NRXN3: variants seen among roughly 807,000 people sequenced by gnomAD.
NRXN3 encodes the protein neurexin 3.
A neutral mutation model predicts 137.6 loss-of-function variants in NRXN3; 32 were observed. That is an observed-to-expected ratio of 0.23 (90% CI 0.18 to 0.31). The LOEUF (loss-of-function observed/expected upper bound fraction) is 0.31, where lower values mean the gene tolerates loss of function less well. NRXN3 is among the 10% of genes least tolerant of loss of function. The pLI, the probability that NRXN3 is intolerant of heterozygous loss-of-function variation, is 1.00. For synonymous variants in NRXN3, 798 were observed against 784.5 expected (o/e 1.02, Z -0.29); for missense variants, 1,574 against 2,062.5 (o/e 0.76, Z 4.59).
intron 15 of NRXN3, among the ~76,000 whole-genome samples, chr14:79,285,729 T>A (rs945558997): frequency 6.6e-6 from 1 of 152,148 alleles, no homozygotes; most frequent in African/African-American, 2.4e-5. Context: ...TTTAACTTAA[T>A]CATCTCTTTA....
At chr14:79,462,911 T>A (rs186383871) in intron 15 of NRXN3, among the ~76,000 whole-genome samples, 11 of 152,030 alleles carry the variant, frequency 7.2e-5, no homozygotes, top group African/African-American at 2.7e-4. Context: ...TATATGTACA[T>A]ACACATATGT....
At chr14:78,189,964 C>T (rs1420364139) in intron 1 of NRXN3, among the ~76,000 whole-genome samples, 2 of 152,200 alleles carry the variant, frequency 1.3e-5, no homozygotes, top group Non-Finnish European at 2.9e-5. Context: ...GTATTCATAG[C>T]CCTTGCCACC....
intron 15 of NRXN3, among the ~76,000 whole-genome samples, chr14:79,284,343 C>CATATATATATATATATATATATATAT: frequency 1.5e-5 from 1 of 65,086 alleles, no homozygotes; most frequent in Non-Finnish European, 2.9e-5. Flanking sequence ...ACTAAAAATA[C>CATATATATATATATATATATATATAT]ATATATATAT....
chr14:78,760,889 G>A (rs981283099), intron 8 of NRXN3, among the ~76,000 whole-genome samples: 15 of 152,112 alleles, frequency 9.9e-5, no homozygotes, highest in African/African-American at 2.9e-4. Flanking sequence ...GAGGAATCAT[G>A]GAAAATACCT....
At chr14:78,278,104 T>G (rs925157104) in intron 2 of NRXN3, among the ~76,000 whole-genome samples, 1 of 152,210 alleles carries the variant, frequency 6.6e-6, no homozygotes, top group African/African-American at 2.4e-5. Context: ...TGTGACCTTA[T>G]GTCCTTCAGT....
At chr14:79,322,495 T>G (rs1454100058) in intron 15 of NRXN3, among the ~76,000 whole-genome samples, 1 of 152,208 alleles carries the variant, frequency 6.6e-6, no homozygotes, top group Non-Finnish European at 1.5e-5. Flanking sequence ...GTCTCTCAAT[T>G]CTTTGAGAGA....
chr14:79,580,728 T>C (rs2097707603), intron 16 of NRXN3, among the ~76,000 whole-genome samples: 1 of 152,166 alleles, frequency 6.6e-6, no homozygotes, highest in Non-Finnish European at 1.5e-5. Context: ...TCTGCTTTTG[T>C]TATTCTGCTT....
chr14:78,547,027 G>A (rs984291461), intron 4 of NRXN3, among the ~76,000 whole-genome samples: 17 of 152,210 alleles, frequency 1.1e-4, no homozygotes, highest in African/African-American at 3.4e-4. Flanking sequence ...TTTTCCCACT[G>A]AATTACATTA....
intron 15 of NRXN3, among the ~76,000 whole-genome samples, chr14:79,432,227 A>G (rs990168908): frequency 1.3e-5 from 2 of 152,118 alleles, no homozygotes; most frequent in East Asian, 1.9e-4. Context: ...ATATATTTTT[A>G]TATTTCCATA....
chr14:78,962,911 A>C (rs1445625941), intron 11 of NRXN3, among the ~76,000 whole-genome samples: 1 of 151,884 alleles, frequency 6.6e-6, no homozygotes, highest in African/African-American at 2.4e-5. Context: ...ACGGGTTTTC[A>C]CCATGTTAGC....
At chr14:78,533,723 C>G (rs1027987759) in intron 4 of NRXN3, among the ~76,000 whole-genome samples, 1 of 152,220 alleles carries the variant, frequency 6.6e-6, no homozygotes, top group East Asian at 1.9e-4. Flanking sequence ...TCGATATCAT[C>G]TCTCCAGGAA....
At chr14:79,844,554 A>T (rs1168945928) in intron 20 of NRXN3, among the ~76,000 whole-genome samples, 1 of 152,076 alleles carries the variant, frequency 6.6e-6, no homozygotes, top group Non-Finnish European at 1.5e-5. Flanking sequence ...TATCTCCATC[A>T]GAGCTCTTGG....
chr14:78,772,196 T>C (rs1291854557), intron 8 of NRXN3, among the ~76,000 whole-genome samples: 1 of 152,196 alleles, frequency 6.6e-6, no homozygotes, highest in Non-Finnish European at 1.5e-5. Flanking sequence ...TGTATTTATT[T>C]TTACGGTTAA....
At chr14:78,319,022 G>A (rs2079031144) in intron 4 of NRXN3, among the ~76,000 whole-genome samples, 1 of 152,236 alleles carries the variant, frequency 6.6e-6, no homozygotes, top group South Asian at 2.1e-4. Context: ...TGTCCATGAT[G>A]TTGCTGGTAT....
At chr14:78,624,829 GTGTTTGTTTGTTTGTT>G (rs1555404275) in intron 4 of NRXN3, among the ~76,000 whole-genome samples, 9 of 146,992 alleles carry the variant, frequency 6.1e-5, no homozygotes, top group African/African-American at 2.3e-4. Flanking sequence ...GTGTGTGTGT[GTGTTTGTTTGTTTGTT>G]TGTTTGTTTG....
intron 4 of NRXN3, chr14:78,300,712 A>T (rs950704023): frequency 3.4e-6 from 5 of 1,492,184 alleles, no homozygotes; most frequent in Non-Finnish European, 4.5e-6. Context: ...CTTTATTTTT[A>T]TCATTATAAC....
chr14:79,837,990 T>G (rs2099347823), intron 20 of NRXN3, among the ~76,000 whole-genome samples: 1 of 152,184 alleles, frequency 6.6e-6, no homozygotes, highest in Admixed American at 6.5e-5. Context: ...ATGACCTGCC[T>G]CTATCAAAAA....
At chr14:79,781,639 G>A (rs2099114264) in intron 19 of NRXN3, among the ~76,000 whole-genome samples, 1 of 152,198 alleles carries the variant, frequency 6.6e-6, no homozygotes, top group African/African-American at 2.4e-5. Flanking sequence ...CAGAGACACG[G>A]TGAAGTTCAG....
At chr14:78,900,231 G>A (rs1285479011) in intron 10 of NRXN3, among the ~76,000 whole-genome samples, 1 of 151,532 alleles carries the variant, frequency 6.6e-6, no homozygotes, top group Non-Finnish European at 1.5e-5. Context: ...TTATAGATGA[G>A]TAAACTGACA....
Sources: gnomAD v4.1 joint callset for allele counts (sites outside exome capture counted in the v4.1 genomes callset) on GRCh38, gnomAD v4.1.1 for gene constraint, MANE v1.5 for transcripts, NCBI Gene and HGNC (gene_info 2026-07-23, HGNC 2026-07-21) for gene names.